Variants in LDLRAD4 observed in about 807,000 individuals in gnomAD.
LDLRAD4 encodes low density lipoprotein receptor class A domain containing 4, also known as low-density lipoprotein receptor class A domain-containing protein 4.
A neutral mutation model predicts 17.0 loss-of-function variants in LDLRAD4; 5 were observed. The observed-to-expected ratio is 0.29, with a 90% CI of 0.15 to 0.62. LDLRAD4 has a LOEUF of 0.62. Among genes scored for constraint, LDLRAD4 ranks in the 20% least tolerant of loss-of-function variants. LDLRAD4 has a pLI of 0.84. For missense variants in LDLRAD4, 340 were observed against 424.7 expected, an observed-to-expected ratio of 0.80 and a Z score of 1.75; for synonymous variants, 168 against 171.8, an observed-to-expected ratio of 0.98 and a Z score of 0.17.
upstream of LDLRAD4, among the ~76,000 whole-genome samples, chr18:13,273,327 G>T (rs981315951): frequency 2.6e-5 from 4 of 152,216 alleles, no homozygotes; most frequent in Admixed American, 6.5e-5. Context: ...TTGAGACAGG[G>T]TCTCACTTTG....
intron 1 of LDLRAD4, among the ~76,000 whole-genome samples, chr18:13,342,868 G>A (rs1392129297): frequency 6.6e-6 from 1 of 151,816 alleles, no homozygotes; most frequent in Admixed American, 6.6e-5. Context: ...GGACAGGGAA[G>A]GATTTATTGT....
At chr18:13,639,797 G>A (rs981107180) in intron 4 of LDLRAD4, among the ~76,000 whole-genome samples, 2 of 152,162 alleles carry the variant, frequency 1.3e-5, no homozygotes, top group African/African-American at 2.4e-5. Flanking sequence ...TCAGTAAATA[G>A]TTAAATAAAT....
At chr18:13,637,870 A>C (rs34294780) in intron 4 of LDLRAD4, among the ~76,000 whole-genome samples, 50,114 of 145,558 alleles carry the variant, frequency 0.34, 10,658 homozygotes, top group Non-Finnish European at 0.48. Context: ...CGTCTCAACA[A>C]CAAAAAAAAA....
intron 1 of LDLRAD4, among the ~76,000 whole-genome samples, chr18:13,285,419 AG>A (rs1230702892): frequency 6.7e-6 from 1 of 150,134 alleles, no homozygotes; most frequent in East Asian, 1.9e-4. Flanking sequence ...GAGGACAGTC[AG>A]GGGACAGGAT....
At chr18:13,522,730 G>A (rs1460994306) in intron 3 of LDLRAD4, 1 of 152,112 alleles carries the variant, frequency 6.6e-6, no homozygotes, top group Non-Finnish European at 1.5e-5. Flanking sequence ...TAAGCCGAAT[G>A]TGTTTTCTAC....
At chr18:13,504,107 A>G (rs1367953675) in intron 3 of LDLRAD4, among the ~76,000 whole-genome samples, 1 of 152,172 alleles carries the variant, frequency 6.6e-6, no homozygotes, top group African/African-American at 2.4e-5. Flanking sequence ...GAATCACACA[A>G]GTGGTAAGCA....
intron 3 of LDLRAD4, among the ~76,000 whole-genome samples, chr18:13,549,832 G>A (rs1049306365): frequency 6.6e-6 from 1 of 152,138 alleles, no homozygotes; most frequent in Non-Finnish European, 1.5e-5. Flanking sequence ...GCCAGCAGCA[G>A]ACAGGTCAAG....
rs137973974 is a variant in LDLRAD4, at chr18:13,256,429, C to A, written c.-466-21676C>A. ...TGTGGTCTCAGCCTCAGCCTTGGAC[C>A]CCATCCCCCCATCAAAATCTGCCTT... On this transcript the variant is annotated intron_variant, in intron 1 of 5. Transcript: ENST00000399848. Among the ~76,000 whole-genome samples the A allele has an allele frequency of 9.7e-4, 148 of 152,330 alleles. 1 individual carries two copies. The highest frequency in any genetic ancestry group is 3.3e-3 in the African/African-American group (138 of 41,564).
intron 1 of LDLRAD4, among the ~76,000 whole-genome samples, chr18:13,248,781 G>A (rs990587071): frequency 2.0e-5 from 3 of 152,080 alleles, no homozygotes; most frequent in African/African-American, 7.2e-5. Context: ...TATCCTCCTA[G>A]CTAATTGAAA....
intron 2 of LDLRAD4, among the ~76,000 whole-genome samples, chr18:13,408,680 C>T (rs1348157267): frequency 6.6e-6 from 1 of 151,922 alleles, no homozygotes; most frequent in East Asian, 1.9e-4. Flanking sequence ...ACCATCTTGG[C>T]CAGGCTGATC....
rs896973324 is a variant in LDLRAD4, at chr18:13,294,139, C to T, written c.-383+15951C>T. ...ATATAAATAACTCCCACATGCTTAG[C>T]GTTCCAATAATGGAACACTGCGCAT... is the stretch of plus-strand genomic sequence containing the variant. On this transcript the variant is annotated intron_variant, in intron 1 of 5. Transcript: ENST00000359446. Among the ~76,000 whole-genome samples, 14 of 152,244 alleles carry T rather than the reference C, an allele frequency of 9.2e-5. No individual in the cohort carries two copies. The South Asian group carries it at 1.4e-3, about 16-fold the overall frequency.
At chr18:13,649,910 T>C in exon 6 of LDLRAD4, 1 of 397,264 alleles carries the variant, frequency 2.5e-6, no homozygotes, top group Non-Finnish European at 4.4e-6. Context: ...GTGCTTGGCC[T>C]ACTGAGGTGA....
chr18:13,494,025 G>A (rs930819258), intron 3 of LDLRAD4, among the ~76,000 whole-genome samples: 1 of 152,204 alleles, frequency 6.6e-6, no homozygotes, highest in African/African-American at 2.4e-5. Flanking sequence ...CCGCCTTCCT[G>A]GCCATCCCAC....
At chr18:13,358,911 T>G (rs1277210623) in intron 1 of LDLRAD4, among the ~76,000 whole-genome samples, 1 of 152,196 alleles carries the variant, frequency 6.6e-6, no homozygotes, top group Non-Finnish European at 1.5e-5. Context: ...GAAACTCCAT[T>G]ATGTAATTTT....
chr18:13,466,845 A>C (rs935781462), intron 3 of LDLRAD4, among the ~76,000 whole-genome samples: 1 of 152,166 alleles, frequency 6.6e-6, no homozygotes, highest in Admixed American at 6.5e-5. Context: ...CACATGGTGG[A>C]AGGGGCCAGC....
At chr18:13,497,589 T>C (rs1371216191) in intron 3 of LDLRAD4, among the ~76,000 whole-genome samples, 3 of 152,200 alleles carry the variant, frequency 2.0e-5, no homozygotes, top group Non-Finnish European at 4.4e-5. Context: ...TTAACCCTTT[T>C]TAATTATTAC....
intron 3 of LDLRAD4, among the ~76,000 whole-genome samples, chr18:13,500,072 G>A (rs1259151797): frequency 6.6e-6 from 1 of 152,194 alleles, no homozygotes; most frequent in Non-Finnish European, 1.5e-5. Flanking sequence ...TTGACATTGG[G>A]AAATGTTGGG....
intron 3 of LDLRAD4, among the ~76,000 whole-genome samples, chr18:13,445,010 A>G (rs1246705007): frequency 6.6e-6 from 1 of 152,142 alleles, no homozygotes; most frequent in African/African-American, 2.4e-5. Context: ...CACCCAAACC[A>G]ACCAAAGTAG....
intron 1 of LDLRAD4, among the ~76,000 whole-genome samples, chr18:13,307,372 G>C (rs2046976857): frequency 6.6e-6 from 1 of 152,020 alleles, no homozygotes; most frequent in African/African-American, 2.4e-5. Context: ...TCCACTTACT[G>C]AATACTAAAT....
Sources: allele counts gnomAD v4.1 joint callset (sites outside exome capture counted in the v4.1 genomes callset), GRCh38; gene constraint gnomAD v4.1.1; transcripts MANE v1.5; gene names NCBI Gene and HGNC (gene_info 2026-07-23, HGNC 2026-07-21).